Variants in PKHD1L1 observed in about 807,000 individuals in gnomAD.
PKHD1L1 encodes the protein PKHD1 like 1, also known as fibrocystin-L.
In PKHD1L1, 434 loss-of-function variants were observed where a neutral mutation model predicts 462.9. The ratio of observed to expected loss-of-function variants is 0.94; its 90% CI spans 0.87 to 1.02. The LOEUF (loss-of-function observed/expected upper bound fraction) is 1.02. Among genes scored for constraint, PKHD1L1 ranks in the 50% least tolerant of loss-of-function variants. The probability of loss-of-function intolerance (pLI) is 0.00; values close to 1 mark genes in which losing one functional copy is unlikely to be tolerated. For synonymous variants in PKHD1L1, 1,781 were observed against 1,750.0 expected (o/e 1.02, Z -0.44); for missense variants, 5,202 against 5,096.1 (o/e 1.02, Z -0.63).
At chr8:109,428,492 A>T (rs2130683177) in intron 25 of PKHD1L1, among the ~76,000 whole-genome samples, 1 of 152,330 alleles carries the variant, frequency 6.6e-6, no homozygotes, top group Admixed American at 6.5e-5. Flanking sequence ...ACAACTATGT[A>T]AACATAGAAA....
Position 109,449,431 on chromosome 8 carries a change from T to G in PKHD1L1, c.6119T>G (p.Ile2040Ser). Residue 2040 changes from isoleucine to serine, a missense_variant, in exon 40 of 78, where the codon ATT becomes AGT. Physicochemically the swap from Ile to Ser is moderately radical, Grantham distance 142. This residue lies in a region of PKHD1L1 where 4,497 missense variants were observed against 4,336.8 expected (regional missense o/e 1.04). Transcript: ENST00000378402. Reference sequence around the variant, plus strand: ...TTAGTTTGTGGCTCAGAATGTGCAATTGACAGGCTTAGATCTGATTACACA... The same window carrying G: ...TTAGTTTGTGGCTCAGAATGTGCAAGTGACAGGCTTAGATCTGATTACACA... ...IILVCGSECA[I>S]DRLRSDYTTL... 6.3e-7 allele frequency: 1 copy of G among 1,599,004 alleles called. No individual in the cohort carries two copies.
In PKHD1L1 at chr8:109,532,772, C is replaced by T. The variant is rs1011879268; in HGVS notation, c.*2682C>T. 1.3e-5 allele frequency among the ~76,000 whole-genome samples: 2 copies of T among 152,224 alleles called. No individual in the cohort carries two copies. Among genetic ancestry groups the T allele is most frequent in the African/African-American group, 4.8e-5 (2 of 41,452 alleles). On this transcript the variant is annotated 3_prime_UTR_variant, in exon 78 of 78. Coordinates refer to ENST00000378402, the MANE Select transcript of PKHD1L1 (RefSeq NM_177531.6). ...TTCCTAAATTCCATCACCTTGTGAT[C>T]ATTGCAATGACTTCTAGATGGTCCA...
intron 1 of PKHD1L1, among the ~76,000 whole-genome samples, chr8:109,363,601 A>C (rs150191182): frequency 6.6e-6 from 1 of 152,248 alleles, no homozygotes; most frequent in African/African-American, 2.4e-5. Flanking sequence ...CAATTACTAG[A>C]TCTGTACAGT....
intron 14 of PKHD1L1, 64 bp downstream of exon 14, chr8:109,401,652 A>T: frequency 1.3e-6 from 1 of 793,088 alleles, no homozygotes; most frequent in Non-Finnish European, 1.9e-6. Flanking sequence ...TTATATTTTA[A>T]AATATTTTCA....
At chr8:109,454,525 C>T (rs1357417929) in intron 44 of PKHD1L1, among the ~76,000 whole-genome samples, 198 bp from the exon 45 acceptor site, 1 of 152,094 alleles carries the variant, frequency 6.6e-6, no homozygotes, top group Non-Finnish European at 1.5e-5. Context: ...AATCAGTATA[C>T]CTTTCAAAGG....
intron 11 of PKHD1L1, among the ~76,000 whole-genome samples, 185 bp downstream of exon 11, chr8:109,396,322 A>C (rs531193928): frequency 3.8e-4 from 58 of 152,102 alleles, no homozygotes; most frequent in African/African-American, 1.3e-3. Context: ...AGCAAGGGTC[A>C]CTCCCTGAAA....
rs773280746 is a variant in PKHD1L1 at position 109,510,859 on chromosome 8, ATCT to A, written c.11480_11482del (p.Ser3827del). On this transcript the variant is annotated inframe_deletion, in exon 71 of 78. Transcript: ENST00000378402. The stretch of plus-strand genomic sequence containing the variant: ...TTCACAGCATTGTGGCTCTGAACAA[ATCT>A]TATGAAGTTTACTTCACTGGCACCA... 6.2e-7 allele frequency: 1 copy of A among 1,613,402 alleles called. No homozygotes were observed. The highest frequency in any genetic ancestry group is 8.5e-7 in the Non-Finnish European group (1 of 1,179,526).
In PKHD1L1 at chr8:109,523,235, T is replaced by G. The variant is rs1258290157; in HGVS notation, c.12333T>G (p.Gly4111=). 6.3e-7 allele frequency: 1 copy of G among 1,586,248 alleles called. No homozygotes were observed. Among genetic ancestry groups the G allele is most frequent in the Admixed American group, 1.8e-5 (1 of 56,928 alleles). The part of the protein sequence containing the change: ...QPSVKATDSD[G]NCVSVGITAL... Reference sequence around the variant, plus strand: ...ATCTACTTTTTTTTTTTTTTTAGGGTAACTGTGTATCAGTTGGAATTACTG... The same window carrying G: ...ATCTACTTTTTTTTTTTTTTTAGGGGAACTGTGTATCAGTTGGAATTACTG... The change falls in exon 76 of 78, where the codon GGT becomes GGG. Residue 4111 remains glycine (G), a splice_region_variant and synonymous_variant. Coordinates refer to ENST00000378402, the MANE Select transcript of PKHD1L1 (RefSeq NM_177531.6).
chr8:109,439,337 A>G (rs1015496249), intron 32 of PKHD1L1, among the ~76,000 whole-genome samples: 1 of 152,144 alleles, frequency 6.6e-6, no homozygotes, highest in African/African-American at 2.4e-5. Context: ...TATATGTCAC[A>G]TGATTTTGAT....
intron 23 of PKHD1L1, among the ~76,000 whole-genome samples, chr8:109,424,073 A>G (rs2130660245): frequency 6.6e-6 from 1 of 152,266 alleles, no homozygotes; most frequent in South Asian, 2.1e-4. Context: ...AATGAAGATA[A>G]TCATTAGCTC....
In PKHD1L1 at chr8:109,507,437, C is replaced by T. The variant is rs553268924; in HGVS notation, c.10995-226C>T. 2.0e-5 allele frequency among the ~76,000 whole-genome samples: 3 copies of T among 152,132 alleles called. No individual in the cohort carries two copies. In the East Asian group the frequency reaches 5.8e-4, roughly 29 times the overall value. ...TTTATATCCCACAGGTATGACTTGT[C>T]GTTTTGAAATGTTAATGAATTCATA... is the stretch of plus-strand genomic sequence containing the variant. On this transcript the variant is annotated intron_variant, in intron 68 of 77. Coordinates refer to ENST00000378402, the MANE Select transcript of PKHD1L1 (RefSeq NM_177531.6).
intron 51 of PKHD1L1, among the ~76,000 whole-genome samples, chr8:109,475,613 A>T (rs891194713): frequency 1.3e-4 from 20 of 151,920 alleles, no homozygotes; most frequent in Admixed American, 9.2e-4. Context: ...AATATATCAA[A>T]CATACCTGAG....
At chr8:109,454,372 G>C (rs1035940099) in intron 44 of PKHD1L1, 126 bp downstream of exon 44, 42 of 690,840 alleles carry the variant, frequency 6.1e-5, no homozygotes, top group Non-Finnish European at 5.3e-5. Context: ...TTAGGTCTCT[G>C]TTATTGGTAT....
rs892284905 is a variant in PKHD1L1 at position 109,407,974 on chromosome 8, T to C, written c.1814-75T>C. 2.9e-5 allele frequency: 28 copies of C among 976,810 alleles called. No homozygotes were observed. In the African/African-American group the frequency reaches 4.6e-4, roughly 16 times the overall value. 60.5% of individuals were successfully genotyped at this position (976,810 alleles called of 1,614,324 possible). On this transcript the variant is annotated intron_variant, in intron 17 of 77. Coordinates refer to ENST00000378402, the MANE Select transcript of PKHD1L1 (RefSeq NM_177531.6). Reference sequence around the variant, plus strand: ...TACATTTGAGTGTCTATTAAATATATATAAAATATATAGTTTTATATATAG... The same window carrying C: ...TACATTTGAGTGTCTATTAAATATACATAAAATATATAGTTTTATATATAG...
At chr8:109,499,460 CT>C (rs968120836) in intron 67 of PKHD1L1, among the ~76,000 whole-genome samples, 1 of 152,166 alleles carries the variant, frequency 6.6e-6, no homozygotes, top group Non-Finnish European at 1.5e-5. Flanking sequence ...ATTAGCAACA[CT>C]TTTAAGTGTT....
chr8:109,448,855 C>T (rs1244083483), intron 39 of PKHD1L1, among the ~76,000 whole-genome samples: 4 of 151,918 alleles, frequency 2.6e-5, no homozygotes, highest in Non-Finnish European at 5.9e-5. Context: ...GATTAATTTA[C>T]TTAAAACTTA....
chr8:109,463,312 C>G (rs901735393), intron 48 of PKHD1L1, among the ~76,000 whole-genome samples: 1 of 151,992 alleles, frequency 6.6e-6, no homozygotes, highest in African/African-American at 2.4e-5. Context: ...TAATAAAATC[C>G]ATAAATCCAT....
chr8:109,498,587 A>T lies in PKHD1L1; in HGVS notation c.10711+14A>T. 1.2e-6 allele frequency: 2 copies of T among 1,610,566 alleles called. No homozygotes were observed. The highest frequency in any genetic ancestry group is 3.3e-4 in the Middle Eastern group (2 of 6,058). On this transcript the variant is annotated intron_variant, in intron 66 of 77. Transcript: ENST00000378402. ...GATCTCCATCAGGTGAAAAATTTGA[A>T]ACTTTAATGTTGTTGTTCATATGAG...
rs200166927 is a variant in PKHD1L1, at chr8:109,464,933, G to A, written c.8101G>A (p.Gly2701Arg). 975 of 1,613,840 alleles carry A rather than the reference G, an allele frequency of 6.0e-4. 3 individuals are homozygous for A. Among genetic ancestry groups the A allele is most frequent in the Non-Finnish European group, 7.9e-4 (931 of 1,179,804 alleles). The change falls in exon 49 of 78, where the codon GGA becomes AGA. Residue 2701 changes from glycine (G) to arginine (R), a missense_variant. Gly to Arg is a moderately radical substitution (Grantham distance 125, BLOSUM62 -2). This residue lies in a region of PKHD1L1 where 4,497 missense variants were observed against 4,336.8 expected (regional missense o/e 1.04). Transcript: ENST00000378402. ...PYVGGWGETN[G>R]AVIKNAKIVG... ...TGTTGGAGGGTGGGGTGAAACCAAT[G>A]GAGCGGTGATTAAAAATGCCAAAAT...
Sources: allele counts gnomAD v4.1 joint callset (sites outside exome capture counted in the v4.1 genomes callset), GRCh38; gene constraint gnomAD v4.1.1; regional missense constraint gnomAD v4.1.1; transcripts MANE v1.5; gene names NCBI Gene and HGNC (gene_info 2026-07-23, HGNC 2026-07-21).